Variants in NPL observed in about 807,000 individuals in gnomAD.
NPL encodes the protein N-acetylneuraminate pyruvate lyase, also known as N-acetylneuraminate lyase.
NPL carries 32 observed loss-of-function variants against 41.1 expected under a neutral mutation model. The ratio of observed to expected loss-of-function variants is 0.78; its 90% CI spans 0.59 to 1.05. The LOEUF is 1.05. Ranked by LOEUF, NPL falls within the 50% of genes least tolerant of loss-of-function variation. NPL has a pLI of 0.00. For missense variants in NPL, 321 were observed against 378.4 expected (o/e 0.85, Z 1.26); for synonymous variants, 128 against 134.9 (o/e 0.95, Z 0.35).
intron 1 of NPL, among the ~76,000 whole-genome samples, chr1:182,790,922 C>T (rs754288071): frequency 1.3e-5 from 2 of 152,220 alleles, no homozygotes; most frequent in African/African-American, 2.4e-5. Flanking sequence ...GGATTACAGG[C>T]TTGAGCCACC....
Position 182,829,280 on chromosome 1 carries a change from T to C in NPL, c.*372T>C. ...GTTGTCTAATTTTAAACCACTATAATATGTCTTCATTTTAATAAATATTCA... is the reference window on the plus strand; with the variant it reads ...GTTGTCTAATTTTAAACCACTATAACATGTCTTCATTTTAATAAATATTCA... On this transcript the variant is annotated 3_prime_UTR_variant, in exon 13 of 13. Coordinates refer to ENST00000367553, the MANE Select transcript of NPL (RefSeq NM_030769.3). The C allele has an allele frequency of 8.4e-7, 1 of 1,189,962 alleles. No homozygotes were observed. 73.7% of individuals were successfully genotyped at this position (1,189,962 alleles called of 1,614,324 possible).
chr1:182,817,588 C>A (rs993384033), intron 8 of NPL, among the ~76,000 whole-genome samples: 1 of 152,216 alleles, frequency 6.6e-6, no homozygotes, highest in African/African-American at 2.4e-5. Context: ...GGACTGCCCC[C>A]ACTTCAGTGC....
chr1:182,808,602 C>T (rs1054399477), intron 5 of NPL, among the ~76,000 whole-genome samples: 2 of 152,066 alleles, frequency 1.3e-5, no homozygotes, highest in African/African-American at 4.8e-5. Flanking sequence ...AAATGTTGAG[C>T]GTGTTTCTGT....
intron 2 of NPL, among the ~76,000 whole-genome samples, chr1:182,792,717 T>G (rs770219568): frequency 1.3e-5 from 2 of 152,252 alleles, no homozygotes; most frequent in Non-Finnish European, 2.9e-5. Flanking sequence ...GGACTTGGTC[T>G]TGATTTTAGG....
At chr1:182,821,794 T>G (rs1359835826) in intron 10 of NPL, among the ~76,000 whole-genome samples, 1 of 152,232 alleles carries the variant, frequency 6.6e-6, no homozygotes, top group Non-Finnish European at 1.5e-5. Flanking sequence ...ACAGTTCTTG[T>G]CTAGCATTGC....
chr1:182,822,022 T>C (rs771115911), intron 10 of NPL, 93 bp from the exon 11 acceptor site: 11 of 835,288 alleles, frequency 1.3e-5, no homozygotes, highest in Admixed American at 5.5e-5. Flanking sequence ...GGACTAGGTG[T>C]ATTTTTTCCC....
chr1:182,796,153 T>C (rs928912452), intron 3 of NPL, among the ~76,000 whole-genome samples: 4 of 115,748 alleles, frequency 3.5e-5, no homozygotes, highest in Admixed American at 1.0e-4. Flanking sequence ...CTTACTTTCC[T>C]AAGGTGTGAA....
intron 11 of NPL, among the ~76,000 whole-genome samples, chr1:182,824,266 C>T (rs1557953875): frequency 1.3e-5 from 2 of 151,756 alleles, no homozygotes; most frequent in Admixed American, 1.3e-4. Flanking sequence ...TGTATTCTGA[C>T]CTGGAAAGAT....
At position 182,820,511 on chromosome 1, in the gene NPL, C is replaced by T. The variant is rs375356282; in HGVS notation, c.654-1604C>T. On this transcript the variant is annotated intron_variant, in intron 10 of 12. Coordinates refer to ENST00000367553, the MANE Select transcript of NPL (RefSeq NM_030769.3). The stretch of plus-strand genomic sequence containing the variant: ...GACCATATGTATTAATTCATTCTCA[C>T]ATCGCTATAAAGAAATATCTGAGAA... Among the ~76,000 whole-genome samples the T allele has an allele frequency of 9.2e-5, 14 of 152,314 alleles. No individual in the cohort carries two copies. The East Asian group carries it at 2.3e-3, about 25-fold the overall frequency.
chr1:182,826,408 G>A (rs1667631956), intron 12 of NPL: 1 of 154,036 alleles, frequency 6.5e-6, no homozygotes, highest in South Asian at 2.0e-4. Context: ...GCAAGAGATT[G>A]GCCCTTGGGC....
chr1:182,809,117 A>T, intron 5 of NPL: 2 of 317,702 alleles, frequency 6.3e-6, no homozygotes, highest in South Asian at 4.9e-5. Flanking sequence ...TACAATTTAC[A>T]TTGGGTTTTA....
At chr1:182,816,889 A>C in intron 8 of NPL, 83 bp downstream of exon 8, 1 of 1,044,942 alleles carries the variant, frequency 9.6e-7, no homozygotes, top group South Asian at 1.3e-5. Flanking sequence ...ACTCCATCCC[A>C]CCCTACCCCA....
chr1:182,827,981 T>C (rs1667674514), intron 12 of NPL, among the ~76,000 whole-genome samples: 1 of 152,218 alleles, frequency 6.6e-6, no homozygotes, highest in Admixed American at 6.5e-5. Flanking sequence ...GTACCTATAC[T>C]AAGTGTGTGA....
chr1:182,818,483 A>T (rs1342272651), intron 8 of NPL, 58 bp from the exon 9 acceptor site: 2 of 1,602,462 alleles, frequency 1.2e-6, no homozygotes, highest in Non-Finnish European at 1.7e-6. Flanking sequence ...ATGACACTAT[A>T]TGAGATGTTA....
intron 5 of NPL, among the ~76,000 whole-genome samples, chr1:182,808,297 A>G (rs910956191): frequency 1.3e-5 from 2 of 152,208 alleles, no homozygotes; most frequent in Non-Finnish European, 2.9e-5. Flanking sequence ...AACGTTTGTT[A>G]TAATAACTAT....
intron 10 of NPL, among the ~76,000 whole-genome samples, chr1:182,820,437 T>G (rs1430309877): frequency 6.6e-6 from 1 of 152,256 alleles, no homozygotes; most frequent in African/African-American, 2.4e-5. Context: ...TGACAGCCAT[T>G]GTAACTTCAG....
intron 11 of NPL, among the ~76,000 whole-genome samples, chr1:182,822,958 T>C (rs1480075990): frequency 6.6e-6 from 1 of 152,190 alleles, no homozygotes; most frequent in Non-Finnish European, 1.5e-5. Context: ...CCTTGAATCC[T>C]CCTGGGCTCA....
intron 11 of NPL, among the ~76,000 whole-genome samples, chr1:182,823,945 C>T (rs928109313): frequency 3.9e-5 from 6 of 152,174 alleles, no homozygotes; most frequent in African/African-American, 9.6e-5. Flanking sequence ...TAAGAAAGCA[C>T]GTGTGAGTGA....
intron 4 of NPL, among the ~76,000 whole-genome samples, chr1:182,804,394 C>T (rs1346675014): frequency 6.6e-6 from 1 of 152,178 alleles, no homozygotes; most frequent in Non-Finnish European, 1.5e-5. Flanking sequence ...TCCCAAAATT[C>T]TGGGATTACA....
Sources: gnomAD v4.1 joint callset for allele counts (sites outside exome capture counted in the v4.1 genomes callset) on GRCh38, gnomAD v4.1.1 for gene constraint, MANE v1.5 for transcripts, NCBI Gene and HGNC (gene_info 2026-07-23, HGNC 2026-07-21) for gene names.